The following CNDP2 variants were observed in gnomAD, a reference collection of about 807,000 sequenced individuals.
CNDP2 encodes the protein cytosolic non-specific dipeptidase.
In CNDP2, 38 loss-of-function variants were observed where a neutral mutation model predicts 55.0. That is an observed-to-expected ratio of 0.69 (90% CI 0.53 to 0.90). CNDP2 has a LOEUF of 0.90. Among genes scored for constraint, CNDP2 ranks in the 40% least tolerant of loss-of-function variants. CNDP2 has a pLI of 0.00. For missense variants in CNDP2, 607 were observed against 621.7 expected (o/e 0.98, Z 0.25); for synonymous variants, 241 against 260.2 (o/e 0.93, Z 0.71).
At chr18:74,511,821 T>C (rs1008317648) in intron 6 of CNDP2, among the ~76,000 whole-genome samples, 7 of 152,084 alleles carry the variant, frequency 4.6e-5, no homozygotes, top group South Asian at 4.1e-4. Flanking sequence ...ACAGGATGAC[T>C]GTGGTGATTA....
chr18:74,516,051 G>A (rs1394735035), intron 8 of CNDP2, among the ~76,000 whole-genome samples, 177 bp from the exon 9 acceptor site: 5 of 152,206 alleles, frequency 3.3e-5, no homozygotes, highest in African/African-American at 1.2e-4. Flanking sequence ...CCTTTGTGCT[G>A]AGTCACTCAC....
intron 4 of CNDP2, among the ~76,000 whole-genome samples, chr18:74,506,530 G>A (rs1019448282): frequency 3.9e-5 from 6 of 152,200 alleles, no homozygotes; most frequent in Admixed American, 6.5e-5. Context: ...GTGCAAATGA[G>A]CCCCCCGTGG....
In CNDP2 at chr18:74,499,721, A is replaced by G. The variant is rs7236020; in HGVS notation, c.-92-161A>G. ...CGGAATTTTGTGTAATTTTCCTTCC[A>G]AGTAAAGAAGGGAAGTTTAGCCCCA... is the stretch of plus-strand genomic sequence containing the variant. On this transcript the variant is annotated intron_variant, in intron 1 of 11. Coordinates refer to ENST00000324262, the MANE Select transcript of CNDP2 (RefSeq NM_018235.3). The G allele has an allele frequency of 3.4e-3, 1,369 of 402,934 alleles. 26 individuals carry two copies. Among genetic ancestry groups the G allele is most frequent in the African/African-American group, 0.024 (1,192 of 48,982 alleles). The allele number at this position is 402,934 out of a possible 1,614,324, so 25.0% of individuals were successfully genotyped here.
chr18:74,516,230 A>G lies in CNDP2; in HGVS notation c.906A>G (p.Lys302=), dbSNP rs1979655835. The G allele has an allele frequency of 3.7e-6, 6 of 1,608,094 alleles. No individual in the cohort carries two copies. The highest frequency in any genetic ancestry group is 5.1e-6 in the Non-Finnish European group (6 of 1,176,902). The change falls in exon 9 of 12, where the codon AAA becomes AAG. Residue 302 remains lysine (K), a splice_region_variant and synonymous_variant. Coordinates refer to ENST00000324262, the MANE Select transcript of CNDP2 (RefSeq NM_018235.3). ...GAQILLHSHK[K]DILMHRWRYP... The stretch of plus-strand genomic sequence containing the variant: ...CTGACCCTCTGATTTTTCTGCAGAA[A>G]GACATCCTCATGCACCGATGGCGGT...
Position 74,510,990 on chromosome 18 carries a change from G to C in CNDP2, c.634G>C (p.Gly212Arg). 3.1e-6 allele frequency: 5 copies of C among 1,614,114 alleles called. No homozygotes were observed. Among genetic ancestry groups the C allele is most frequent in the Non-Finnish European group, 4.2e-6 (5 of 1,180,016 alleles). Residue 212 changes from glycine to arginine, a missense_variant, in exon 6 of 12, where the codon GGC becomes CGC. Gly to Arg is a moderately radical substitution (Grantham distance 125, BLOSUM62 -2). Coordinates refer to ENST00000324262, the MANE Select transcript of CNDP2 (RefSeq NM_018235.3). ...GCCCTGCATCACCTACGGCCTCAGG[G>C]GCATTTGCTACTTTTTCATCGAGGT... is the stretch of plus-strand genomic sequence containing the variant. ...KKPCITYGLR[G>R]ICYFFIEVEC...
intron 1 of CNDP2, among the ~76,000 whole-genome samples, chr18:74,498,806 A>G (rs1014575228): frequency 3.9e-5 from 6 of 152,146 alleles, no homozygotes; most frequent in Admixed American, 3.3e-4. Context: ...GTATATAACC[A>G]TTCCATGCTC....
intron 9 of CNDP2, chr18:74,517,322 G>C (rs1979736141): frequency 6.6e-6 from 1 of 152,236 alleles, no homozygotes; most frequent in Non-Finnish European, 1.5e-5. Flanking sequence ...CCGGGGCCCA[G>C]GAGCAGCCTT....
chr18:74,519,640 C>T (rs1328890269), intron 11 of CNDP2, among the ~76,000 whole-genome samples: 1 of 152,266 alleles, frequency 6.6e-6, no homozygotes, highest in South Asian at 2.1e-4. Context: ...AAGACAGAGG[C>T]AAAGACCCTG....
At chr18:74,508,982 C>T (rs945164189) in intron 5 of CNDP2, 54 bp downstream of exon 5, 9 of 1,417,950 alleles carry the variant, frequency 6.3e-6, no homozygotes, top group Non-Finnish European at 7.0e-6. Flanking sequence ...CTGAGCCATA[C>T]AAAGACAGGC....
rs1979686805 is a variant in CNDP2, at chr18:74,516,631, ACCT to A, written c.1068+241_1068+243del. The A allele has an allele frequency of 4.4e-5, 14 of 320,712 alleles. No individual in the cohort carries two copies. In the South Asian group the frequency reaches 7.9e-4, roughly 18 times the overall value. The allele number at this position is 320,712 out of a possible 1,614,324, so 19.9% of individuals were successfully genotyped here. ...CAAAATCTGGCCTTTGACCTCACTC[ACCT>A]CAAGGCTCCAGGCCAAACACCAACT... On this transcript the variant is annotated intron_variant, in intron 9 of 11. Coordinates refer to ENST00000324262, the MANE Select transcript of CNDP2 (RefSeq NM_018235.3).
chr18:74,507,445 C>G (rs1175769526), intron 4 of CNDP2: 1 of 152,802 alleles, frequency 6.5e-6, no homozygotes, highest in East Asian at 1.9e-4. Context: ...GGTGCCACTC[C>G]TTTTCTGGGC....
chr18:74,499,821 C>A, intron 1 of CNDP2, 61 bp from the exon 2 acceptor site: 1 of 561,156 alleles, frequency 1.8e-6, no homozygotes, highest in Non-Finnish European at 3.1e-6. Flanking sequence ...CTGGGTGTTG[C>A]AGTGCTGGCT....
intron 3 of CNDP2, among the ~76,000 whole-genome samples, chr18:74,502,382 T>G (rs1231320170): frequency 1.3e-5 from 2 of 152,178 alleles, no homozygotes; most frequent in African/African-American, 4.8e-5. Flanking sequence ...TTTGTTCACT[T>G]AAAGTCACAG....
intron 4 of CNDP2, 74 bp from the exon 5 acceptor site, chr18:74,508,766 A>G: frequency 1.6e-6 from 2 of 1,212,652 alleles, no homozygotes; most frequent in Non-Finnish European, 2.5e-6. Context: ...GGGTTATCAG[A>G]TGTGCACCTG....
intron 8 of CNDP2, among the ~76,000 whole-genome samples, chr18:74,514,690 GTT>G (rs1979567761): frequency 6.6e-6 from 1 of 150,906 alleles, no homozygotes; most frequent in African/African-American, 2.5e-5. Flanking sequence ...CAGGCTATAG[GTT>G]TATGTGGTAT....
In CNDP2 at chr18:74,513,606, G is replaced by A. The variant is rs1244606700; in HGVS notation, c.790G>A (p.Glu264Lys). The A allele has an allele frequency of 5.6e-6, 9 of 1,613,836 alleles. No homozygotes were observed. The highest frequency in any genetic ancestry group is 2.2e-5 in the East Asian group (1 of 44,886). Residue 264 changes from glutamate (E) to lysine (K), a missense_variant, in exon 8 of 12, where the codon GAG (glutamate) becomes AAG (lysine). Transcript: ENST00000324262. The part of the protein sequence containing the change: ...RGNILIPGIN[E>K]AVAAVTEEEH... ...GAACATCCTGATCCCCGGCATTAAC[G>A]AGGCCGTGGCCGCCGTCACGGAAGA...
Position 74,520,020 on chromosome 18 carries a change from C to T in CNDP2, c.1380C>T (p.Thr460=), listed in dbSNP as rs139184416. 6.2e-7 allele frequency: 1 copy of T among 1,614,064 alleles called. No homozygotes were observed. Among genetic ancestry groups the T allele is most frequent in the Non-Finnish European group, 8.5e-7 (1 of 1,179,988 alleles). The stretch of plus-strand genomic sequence containing the variant: ...CCAGGTATAACTACATAGAGGGAAC[C>T]AAGATGCTGGCCGCGTACCTGTATG... The part of the protein sequence containing the change: ...KLNRYNYIEG[T]KMLAAYLYEV... Residue 460 remains threonine (T), a synonymous_variant, in exon 12 of 12, where the codon ACC becomes ACT. Transcript: ENST00000324262.
In CNDP2 at chr18:74,519,113, C is replaced by T. The variant is rs371544009; in HGVS notation, c.1358+17C>T. The T allele has an allele frequency of 3.7e-5, 59 of 1,592,714 alleles. No homozygotes were observed. Among genetic ancestry groups the T allele is most frequent in the South Asian group, 2.9e-4 (26 of 89,446 alleles). Reference sequence around the variant, plus strand: ...GCTCAACAGGTGAGAGTCCAGGGTGCGGCCCAGGTTGGCGTCTCCTGCACA... The same window carrying T: ...GCTCAACAGGTGAGAGTCCAGGGTGTGGCCCAGGTTGGCGTCTCCTGCACA... On this transcript the variant is annotated intron_variant, in intron 11 of 11. Coordinates refer to ENST00000324262, the MANE Select transcript of CNDP2 (RefSeq NM_018235.3).
In CNDP2 at chr18:74,511,032, C is replaced by T. The variant is rs543234302; in HGVS notation, c.657+19C>T. The stretch of plus-strand genomic sequence containing the variant: ...CATCGAGGTACAGTGCCAAGCTGTA[C>T]GGGTCACTTCTTTCTAACCCCTGAA... On this transcript the variant is annotated intron_variant, in intron 6 of 11. Coordinates refer to ENST00000324262, the MANE Select transcript of CNDP2 (RefSeq NM_018235.3). 45 of 1,601,120 alleles carry T rather than the reference C, an allele frequency of 2.8e-5. No homozygotes were observed. Among genetic ancestry groups the T allele is most frequent in the South Asian group, 1.4e-4 (13 of 89,894 alleles).
Sources: allele counts gnomAD v4.1 joint callset (sites outside exome capture counted in the v4.1 genomes callset), GRCh38; gene constraint gnomAD v4.1.1; transcripts MANE v1.5; gene names NCBI Gene and HGNC (gene_info 2026-07-23, HGNC 2026-07-21).